The following FBXW7 variants were observed in gnomAD, a reference collection of about 807,000 sequenced individuals.
FBXW7 encodes the protein F-box/WD repeat-containing protein 7.
FBXW7 carries 11 observed loss-of-function variants against 86.3 expected under a neutral mutation model. The observed-to-expected ratio is 0.13, with a 90% CI of 0.08 to 0.21. The LOEUF (loss-of-function observed/expected upper bound fraction) is 0.21, where lower values mean the gene tolerates loss of function less well. Among genes scored for constraint, FBXW7 ranks in the 10% least tolerant of loss-of-function variants. The pLI, the probability that FBXW7 is intolerant of heterozygous loss-of-function variation, is 1.00. For missense variants in FBXW7, 488 were observed against 847.4 expected (o/e 0.58, Z 5.27); for synonymous variants, 313 against 297.9 (o/e 1.05, Z -0.52).
At chr4:152,374,454 C>T (rs957803713) in intron 4 of FBXW7, among the ~76,000 whole-genome samples, 1 of 152,100 alleles carries the variant, frequency 6.6e-6, no homozygotes, top group Non-Finnish European at 1.5e-5. Flanking sequence ...TATTCAAAAT[C>T]ACAGCTGCAC....
intron 2 of FBXW7, among the ~76,000 whole-genome samples, chr4:152,425,586 TAAAAC>T (rs1022689410): frequency 1.6e-4 from 22 of 141,420 alleles, no homozygotes; most frequent in African/African-American, 5.8e-4. Flanking sequence ...AAATACCAGA[TAAAAC>T]AAAAATTAAA....
At chr4:152,469,740 G>A (rs150956591) in intron 2 of FBXW7, among the ~76,000 whole-genome samples, 3 of 152,148 alleles carry the variant, frequency 2.0e-5, no homozygotes, top group African/African-American at 4.8e-5. Context: ...TACACTGAAA[G>A]AATCTCTGGA....
At chr4:152,482,702 G>A (rs898691183) in intron 2 of FBXW7, among the ~76,000 whole-genome samples, 3 of 152,046 alleles carry the variant, frequency 2.0e-5, no homozygotes, top group African/African-American at 7.2e-5. Flanking sequence ...TGGGGGGAGA[G>A]ATATTTCTTT....
chr4:152,331,176 G>C (rs60726764), intron 8 of FBXW7, among the ~76,000 whole-genome samples: 1 of 151,940 alleles, frequency 6.6e-6, no homozygotes, highest in African/African-American at 2.4e-5. Context: ...ATAGTCTGGT[G>C]GTTCCCCAAA....
At chr4:152,453,273 TTTC>T (rs1338976730) in intron 2 of FBXW7, among the ~76,000 whole-genome samples, 1 of 152,226 alleles carries the variant, frequency 6.6e-6, no homozygotes, top group African/African-American at 2.4e-5. Context: ...GGAAAGATGA[TTTC>T]TTATCTTAAT....
At chr4:152,381,464 T>C (rs970689624) in intron 4 of FBXW7, among the ~76,000 whole-genome samples, 1 of 152,094 alleles carries the variant, frequency 6.6e-6, no homozygotes, top group Non-Finnish European at 1.5e-5. Flanking sequence ...GATCTAAAAA[T>C]ATATCACTCT....
chr4:152,462,693 C>T (rs1282874475), intron 2 of FBXW7, among the ~76,000 whole-genome samples: 1 of 152,176 alleles, frequency 6.6e-6, no homozygotes, highest in Non-Finnish European at 1.5e-5. Context: ...GCTTTTAAAA[C>T]AGTTAAAGTT....
At chr4:152,352,952 C>G in intron 4 of FBXW7, 1 of 1,395,706 alleles carries the variant, frequency 7.2e-7, no homozygotes, top group Non-Finnish European at 9.3e-7. Context: ...TCCAGGGAAC[C>G]CGTAAGAACA....
Position 152,337,787 on chromosome 4 carries a change from A to G in FBXW7, c.861+15T>C. On this transcript the variant is annotated intron_variant, in intron 7 of 13. Coordinates refer to ENST00000281708, the MANE Select transcript of FBXW7 (RefSeq NM_001349798.2). ...CAAATAACACCCAATGAAGAATGTA[A>G]TTGATAATCTTTACCTCTTTAGGGA... 1 of 1,599,430 alleles carries G rather than the reference A, an allele frequency of 6.3e-7. No individual in the cohort carries two copies. The highest frequency in any genetic ancestry group is 1.7e-4 in the Middle Eastern group (1 of 5,972).
At chr4:152,366,648 T>C (rs1733508545) in intron 4 of FBXW7, among the ~76,000 whole-genome samples, 1 of 152,132 alleles carries the variant, frequency 6.6e-6, no homozygotes, top group African/African-American at 2.4e-5. Flanking sequence ...CTGGAGACGA[T>C]GTGGAGAAGA....
intron 2 of FBXW7, among the ~76,000 whole-genome samples, chr4:152,488,889 A>G (rs1184500754): frequency 6.6e-6 from 1 of 152,116 alleles, no homozygotes; most frequent in Admixed American, 6.6e-5. Context: ...TACAGCAAAG[A>G]TTAATACACA....
chr4:152,372,088 C>A (rs1306927467), intron 4 of FBXW7, among the ~76,000 whole-genome samples: 3 of 151,916 alleles, frequency 2.0e-5, no homozygotes, highest in Non-Finnish European at 4.4e-5. Context: ...AAGAATAAGT[C>A]TATTAGCATG....
intron 13 of FBXW7, 194 bp downstream of exon 13, chr4:152,323,989 CA>C: frequency 3.6e-6 from 2 of 557,972 alleles, no homozygotes; most frequent in Non-Finnish European, 6.4e-6. Flanking sequence ...TTTTATATTA[CA>C]TATTAAAAAC....
chr4:152,454,590 T>G (rs2149616641), intron 2 of FBXW7, among the ~76,000 whole-genome samples: 1 of 152,092 alleles, frequency 6.6e-6, no homozygotes, highest in Non-Finnish European at 1.5e-5. Context: ...GTGCAATAGC[T>G]CTGAAAGGAC....
chr4:152,523,371 AG>A (rs1435543445), intron 2 of FBXW7, among the ~76,000 whole-genome samples: 1 of 152,264 alleles, frequency 6.6e-6, no homozygotes, highest in Non-Finnish European at 1.5e-5. Context: ...AATAAAGGGT[AG>A]AAAACACAAA....
chr4:152,528,775 C>G (rs893065281), intron 2 of FBXW7, among the ~76,000 whole-genome samples: 3 of 152,146 alleles, frequency 2.0e-5, no homozygotes, highest in African/African-American at 7.2e-5. Flanking sequence ...GAGGTATCAT[C>G]AGAAAGCAGC....
intron 2 of FBXW7, among the ~76,000 whole-genome samples, chr4:152,469,567 G>A (rs1442601183): frequency 9.9e-5 from 15 of 152,068 alleles, no homozygotes; most frequent in Admixed American, 9.2e-4. Flanking sequence ...ATACAAGGAG[G>A]AGTCAAGCAA....
At chr4:152,387,803 G>A (rs1201429780) in intron 4 of FBXW7, among the ~76,000 whole-genome samples, 1 of 145,408 alleles carries the variant, frequency 6.9e-6, no homozygotes, top group African/African-American at 2.6e-5. Flanking sequence ...CCGCCTCCCA[G>A]GTTCAAGCAA....
chr4:152,411,302 C>A lies in FBXW7; in HGVS notation c.501+1G>T. The A allele has an allele frequency of 6.3e-7, 1 of 1,589,402 alleles. No individual in the cohort carries two copies. The highest frequency in any genetic ancestry group is 1.8e-5 in the Admixed American group (1 of 56,584). On this transcript the variant is annotated splice_donor_variant, in intron 4 of 13. Transcript: ENST00000281708. LOFTEE classifies it high-confidence loss of function. ...GTTAACAATATATTGAATATACTCA[C>A]TTTTGTTGTTTTTGTATAGAATGGG... is the stretch of plus-strand genomic sequence containing the variant.
Sources: allele counts gnomAD v4.1 joint callset (sites outside exome capture counted in the v4.1 genomes callset), GRCh38; gene constraint gnomAD v4.1.1; transcripts MANE v1.5; gene names NCBI Gene and HGNC (gene_info 2026-07-23, HGNC 2026-07-21).